NR5A2: variants seen among roughly 807,000 people sequenced by gnomAD.
The protein encoded by NR5A2 is CYP7A promoter-binding factor.
NR5A2 carries 26 observed loss-of-function variants against 62.7 expected under a neutral mutation model. The observed-to-expected ratio is 0.41, with a 90% CI of 0.30 to 0.58. NR5A2 has a LOEUF of 0.58. Among genes scored for constraint, NR5A2 ranks in the 20% least tolerant of loss-of-function variants. The pLI, the probability that NR5A2 is intolerant of heterozygous loss-of-function variation, is 0.22. For synonymous variants in NR5A2, 246 were observed against 241.7 expected (o/e 1.02, Z -0.16); for missense variants, 541 against 669.1 (o/e 0.81, Z 2.11).
rs187008181 is a variant in NR5A2 at position 200,155,964 on chromosome 1, C to T, written c.1379-17999C>T. Among the ~76,000 whole-genome samples the T allele has an allele frequency of 2.9e-3, 447 of 152,252 alleles. 1 individual carries two copies. Among genetic ancestry groups the T allele is most frequent in the Non-Finnish European group, 4.4e-3 (298 of 68,018 alleles). On this transcript the variant is annotated intron_variant, in intron 7 of 7. Transcript: ENST00000367362. ...CTGGGATTACAGAGGTGAGCCACCGCGCCTGGCCCAAAAATCAAATTTTCA... is the reference window on the plus strand; with the variant it reads ...CTGGGATTACAGAGGTGAGCCACCGTGCCTGGCCCAAAAATCAAATTTTCA...
At chr1:200,031,849 G>A (rs1237686128) in intron 1 of NR5A2, among the ~76,000 whole-genome samples, 2 of 152,030 alleles carry the variant, frequency 1.3e-5, no homozygotes, top group East Asian at 1.9e-4. Flanking sequence ...CAAAGTGCTG[G>A]GATTACAAAT....
intron 5 of NR5A2, among the ~76,000 whole-genome samples, chr1:200,107,328 G>A (rs1403487928): frequency 2.0e-5 from 3 of 147,810 alleles, no homozygotes; most frequent in Non-Finnish European, 4.4e-5. Flanking sequence ...CCAGGCACCA[G>A]GGAAGACACT....
At chr1:200,145,044 G>C (rs1340468071) in intron 7 of NR5A2, among the ~76,000 whole-genome samples, 7 of 152,168 alleles carry the variant, frequency 4.6e-5, no homozygotes, top group Non-Finnish European at 7.3e-5. Context: ...GGGCGCAGTG[G>C]CTCACACCTG....
At chr1:200,115,802 T>G (rs1338844891) in intron 6 of NR5A2, among the ~76,000 whole-genome samples, 1 of 152,042 alleles carries the variant, frequency 6.6e-6, no homozygotes, top group East Asian at 1.9e-4. Flanking sequence ...TCCAGATGAT[T>G]CAGCTTCTAT....
At chr1:200,054,511 A>G (rs758287333) in intron 5 of NR5A2, among the ~76,000 whole-genome samples, 1 of 152,160 alleles carries the variant, frequency 6.6e-6, no homozygotes, top group African/African-American at 2.4e-5. Flanking sequence ...GGGAATGGAT[A>G]TATAAGAACT....
At position 200,027,798 on chromosome 1, in the gene NR5A2, C is replaced by A; in HGVS notation, c.-50C>A. 1.4e-6 allele frequency: 2 copies of A among 1,414,828 alleles called. No individual in the cohort carries two copies. The highest frequency in any genetic ancestry group is 1.3e-5 in the South Asian group (1 of 78,214). The allele number at this position is 1,414,828 out of a possible 1,614,324, so 87.6% of individuals were successfully genotyped here. ...TTTGACAAGCTGCACTTTTCTTTTGCTCAATGATTTCTGCTTTAAGCCAAA... is the reference window on the plus strand; with the variant it reads ...TTTGACAAGCTGCACTTTTCTTTTGATCAATGATTTCTGCTTTAAGCCAAA... On this transcript the variant is annotated 5_prime_UTR_variant, in exon 1 of 8. Coordinates refer to ENST00000367362, the MANE Select transcript of NR5A2 (RefSeq NM_205860.3).
chr1:200,169,572 AC>A (rs1654076077), intron 7 of NR5A2, among the ~76,000 whole-genome samples: 1 of 152,226 alleles, frequency 6.6e-6, no homozygotes, highest in Admixed American at 6.5e-5. Context: ...CTAAGGGTTT[AC>A]TTTCCAATAA....
At chr1:200,065,537 A>T (rs1017960349) in intron 5 of NR5A2, among the ~76,000 whole-genome samples, 11 of 152,238 alleles carry the variant, frequency 7.2e-5, no homozygotes, top group African/African-American at 2.7e-4. Flanking sequence ...ATATGCACAC[A>T]TCGAGGGGGC....
At chr1:200,066,189 G>A (rs1663459294) in intron 5 of NR5A2, among the ~76,000 whole-genome samples, 1 of 152,118 alleles carries the variant, frequency 6.6e-6, no homozygotes, top group African/African-American at 2.4e-5. Context: ...GCTTAGATCA[G>A]GGCAGGAGAA....
chr1:200,031,331 C>A (rs1260094312), intron 1 of NR5A2, among the ~76,000 whole-genome samples: 3 of 151,926 alleles, frequency 2.0e-5, no homozygotes, highest in Non-Finnish European at 4.4e-5. Flanking sequence ...TAGTGAGACC[C>A]AGTCTCTACA....
At chr1:200,043,935 C>A in intron 3 of NR5A2, 43 bp downstream of exon 3, 1 of 1,247,480 alleles carries the variant, frequency 8.0e-7, no homozygotes, top group South Asian at 1.3e-5. Flanking sequence ...ATGTCCAACA[C>A]CAAAATAAAC....
At position 200,063,025 on chromosome 1, in the gene NR5A2, C is replaced by T. The variant is rs1188571872; in HGVS notation, c.1110+14207C>T. Among the ~76,000 whole-genome samples, 6 of 149,264 alleles carry T rather than the reference C, an allele frequency of 4.0e-5. No individual in the cohort carries two copies. In the East Asian group the frequency reaches 7.8e-4, roughly 19 times the overall value. ...AAACAATGGCCCTGGTTCACTTTGG[C>T]GTGTTTTTTTTTTTTTGAGATGGAG... On this transcript the variant is annotated intron_variant, in intron 5 of 7. Coordinates refer to ENST00000367362, the MANE Select transcript of NR5A2 (RefSeq NM_205860.3).
rs66885184 is a variant in NR5A2, at chr1:200,145,468, T to TTGTGTGTG, written c.1378+24553_1378+24560dup. 5.6e-3 allele frequency among the ~76,000 whole-genome samples: 796 copies of TTGTGTGTG among 142,176 alleles called. 4 individuals are homozygous for TTGTGTGTG. Among genetic ancestry groups the TTGTGTGTG allele is most frequent in the East Asian group, 0.018 (90 of 4,910 alleles). The allele number at this position is 142,176 out of a possible 152,430, so 93.3% of individuals were successfully genotyped here. A position where few individuals can be genotyped will look rare whatever the true frequency, so the allele number is the denominator to read the frequency against. On this transcript the variant is annotated intron_variant, in intron 7 of 7. Transcript: ENST00000367362. ...GAAACTGGTAGGCCATTGATAGAAT[T>TTGTGTGTG]TGTGTGTGTGTGTGTGTGTGTGTGT...
intron 5 of NR5A2, among the ~76,000 whole-genome samples, chr1:200,074,744 A>AAAAAAAAAAAAAAAAAAAAC: frequency 6.8e-6 from 1 of 147,532 alleles, no homozygotes; most frequent in African/African-American, 2.5e-5. Context: ...CTCAAAAAAA[A>AAAAAAAAAAAAAAAAAAAAC]AAAAAAAAAA....
intron 7 of NR5A2, among the ~76,000 whole-genome samples, chr1:200,164,065 AT>A (rs1653780459): frequency 6.6e-6 from 1 of 151,660 alleles, no homozygotes; most frequent in South Asian, 2.1e-4. Context: ...AGAAATGTGT[AT>A]CACCTCCCTA....
chr1:200,162,462 A>T (rs910761591), intron 7 of NR5A2, among the ~76,000 whole-genome samples: 2 of 152,178 alleles, frequency 1.3e-5, no homozygotes, highest in Non-Finnish European at 2.9e-5. Flanking sequence ...CAGGCCAGAT[A>T]AATGTGTTTA....
chr1:200,121,984 G>A (rs1186664955), intron 7 of NR5A2, among the ~76,000 whole-genome samples: 1 of 152,122 alleles, frequency 6.6e-6, no homozygotes, highest in African/African-American at 2.4e-5. Flanking sequence ...GTAGTTTGAA[G>A]TAATAGAACC....
chr1:200,067,815 T>G (rs1663563063), intron 5 of NR5A2, among the ~76,000 whole-genome samples: 1 of 152,216 alleles, frequency 6.6e-6, no homozygotes, highest in Admixed American at 6.5e-5. Context: ...TAAGTGCCTA[T>G]GCAGACACCA....
At chr1:200,122,014 T>C (rs1268333744) in intron 7 of NR5A2, among the ~76,000 whole-genome samples, 1 of 152,196 alleles carries the variant, frequency 6.6e-6, no homozygotes, top group East Asian at 1.9e-4. Context: ...TTTTCATGTA[T>C]AGTCAACATT....
Sources: gnomAD v4.1 joint callset for allele counts (sites outside exome capture counted in the v4.1 genomes callset) on GRCh38, gnomAD v4.1.1 for gene constraint, MANE v1.5 for transcripts, NCBI Gene and HGNC (gene_info 2026-07-23, HGNC 2026-07-21) for gene names.